Variants in KDM2A observed in about 807,000 individuals in gnomAD.
KDM2A encodes the protein lysine-specific demethylase 2A.
A neutral mutation model predicts 137.3 loss-of-function variants in KDM2A; 3 were observed. The observed-to-expected ratio is 0.02, with a 90% CI of 0.01 to 0.06. The LOEUF is 0.06. Among genes scored for constraint, KDM2A ranks in the 10% least tolerant of loss-of-function variants. KDM2A has a pLI of 1.00. For missense variants in KDM2A, 738 were observed against 1,510.6 expected, an observed-to-expected ratio of 0.49 and a Z score of 8.48; for synonymous variants, 512 against 541.5, an observed-to-expected ratio of 0.95 and a Z score of 0.76.
chr11:67,187,601 G>A (rs770163982), intron 5 of KDM2A, among the ~76,000 whole-genome samples: 3 of 147,142 alleles, frequency 2.0e-5, no homozygotes, highest in Non-Finnish European at 3.0e-5. Context: ...TTGAGATGAC[G>A]TCTTGCTCTG....
intron 12 of KDM2A, among the ~76,000 whole-genome samples, chr11:67,241,788 G>C (rs772201786): frequency 3.0e-4 from 45 of 152,196 alleles, no homozygotes; most frequent in Non-Finnish European, 4.1e-4. Context: ...AAAAGATTTG[G>C]CCAGGTGCAG....
chr11:67,156,373 A>T (rs1310729489), intron 2 of KDM2A, among the ~76,000 whole-genome samples: 32 of 152,078 alleles, frequency 2.1e-4, no homozygotes, highest in Admixed American at 1.6e-3. Context: ...TCATGAGGTC[A>T]GGAGATCAAG....
chr11:67,192,423 G>GTTTCCAT (rs1857377781), intron 5 of KDM2A, among the ~76,000 whole-genome samples: 1 of 71,154 alleles, frequency 1.4e-5, no homozygotes. Context: ...CATTTACTTT[G>GTTTCCAT]TTTCCATTTC....
At chr11:67,218,143 C>G (rs1300605509) in intron 9 of KDM2A, among the ~76,000 whole-genome samples, 19 of 152,162 alleles carry the variant, frequency 1.2e-4, no homozygotes, top group Non-Finnish European at 2.9e-5. Context: ...TGCATTAGCC[C>G]TAGTAATTTA....
At chr11:67,195,929 A>G (rs1857470380) in intron 5 of KDM2A, 1 of 415,700 alleles carries the variant, frequency 2.4e-6, no homozygotes, top group South Asian at 2.1e-5. Context: ...TACCACTTAC[A>G]GCAACTTTCT....
At chr11:67,220,894 A>C (rs1422532767) in intron 10 of KDM2A, among the ~76,000 whole-genome samples, 2 of 152,214 alleles carry the variant, frequency 1.3e-5, no homozygotes, top group South Asian at 4.1e-4. Context: ...AACCATTAAA[A>C]AATGTAAAAA....
intron 5 of KDM2A, among the ~76,000 whole-genome samples, chr11:67,205,638 A>G (rs561014826): frequency 6.6e-5 from 10 of 151,638 alleles, no homozygotes; most frequent in African/African-American, 2.2e-4. Context: ...GTGTGTGTGT[A>G]TGTTTAATTT....
chr11:67,138,649 T>C (rs1856023743), intron 2 of KDM2A, among the ~76,000 whole-genome samples: 1 of 152,140 alleles, frequency 6.6e-6, no homozygotes, highest in Admixed American at 6.5e-5. Flanking sequence ...GGTGTGGTGG[T>C]GTGCACCTGT....
intron 2 of KDM2A, among the ~76,000 whole-genome samples, chr11:67,129,189 A>G (rs925350475): frequency 1.3e-5 from 2 of 152,218 alleles, no homozygotes; most frequent in Admixed American, 6.5e-5. Context: ...GACCTAAACT[A>G]TAACAAATAA....
intron 5 of KDM2A, among the ~76,000 whole-genome samples, chr11:67,186,417 C>T (rs1857209129): frequency 6.6e-6 from 1 of 152,198 alleles, no homozygotes. Context: ...CAAAACTGTC[C>T]TTCAAAAGGG....
intron 3 of KDM2A, chr11:67,180,510 A>C (rs771929929): frequency 3.6e-6 from 1 of 274,066 alleles, no homozygotes; most frequent in African/African-American, 2.2e-5. Context: ...ATTTAATTAA[A>C]AATAGTACAA....
At chr11:67,239,110 A>G (rs1858951106) in intron 12 of KDM2A, among the ~76,000 whole-genome samples, 1 of 152,228 alleles carries the variant, frequency 6.6e-6, no homozygotes, top group Admixed American at 6.5e-5. Flanking sequence ...GGGAATATCA[A>G]GAATGAGACA....
At chr11:67,193,270 G>A (rs1208219939) in intron 5 of KDM2A, among the ~76,000 whole-genome samples, 1 of 152,076 alleles carries the variant, frequency 6.6e-6, no homozygotes, top group East Asian at 1.9e-4. Context: ...GATTACAGGC[G>A]TGAGCCACCG....
intron 5 of KDM2A, among the ~76,000 whole-genome samples, chr11:67,194,081 T>C (rs887794443): frequency 4.6e-5 from 7 of 152,266 alleles, no homozygotes; most frequent in African/African-American, 9.6e-5. Context: ...TTTCTACTTA[T>C]ATTTTCTAAT....
chr11:67,242,987 T>G (rs758452624), intron 12 of KDM2A, 22 bp from the exon 13 acceptor site: 15 of 1,608,600 alleles, frequency 9.3e-6, no homozygotes, highest in Non-Finnish European at 9.4e-6. Context: ...TGATTTTTCC[T>G]TCTTTTCCCT....
Position 67,254,281 on chromosome 11 carries a change from G to T in KDM2A, c.3170G>T (p.Arg1057Leu). The change falls in exon 20 of 21, where the codon CGC becomes CTC. Residue 1057 changes from arginine to leucine, a missense_variant. Around this residue, in one of 9 missense-constraint regions of KDM2A, gnomAD observed 166 missense variants for 324.0 expected, o/e 0.51. Transcript: ENST00000529006. This position sits in a 1 kb window ranked among gnomAD's most constrained non-coding sequence, Gnocchi z 4.7. ...CTTGACATCACAGATGCCACGCTTCGCCTCATAATTCGCCACATGCCCCTC... is the reference window on the plus strand; with the variant it reads ...CTTGACATCACAGATGCCACGCTTCTCCTCATAATTCGCCACATGCCCCTC... ...AGLDITDATL[R>L]LIIRHMPLLS... 1 of 1,613,960 alleles carries T rather than the reference G, an allele frequency of 6.2e-7. No individual in the cohort carries two copies. The highest frequency in any genetic ancestry group is 8.5e-7 in the Non-Finnish European group (1 of 1,179,886).
intron 5 of KDM2A, among the ~76,000 whole-genome samples, chr11:67,193,545 G>T (rs2136354404): frequency 6.6e-6 from 1 of 152,232 alleles, no homozygotes; most frequent in African/African-American, 2.4e-5. Flanking sequence ...GTTGGAGACA[G>T]TATTATTTTT....
At chr11:67,170,150 C>T (rs915109804) in intron 2 of KDM2A, among the ~76,000 whole-genome samples, 6 of 151,980 alleles carry the variant, frequency 3.9e-5, no homozygotes, top group African/African-American at 9.7e-5. Flanking sequence ...ATAAATGTAC[C>T]GAGTTCAAAC....
intron 8 of KDM2A, chr11:67,217,461 G>C (rs1858202604): frequency 2.3e-6 from 1 of 439,160 alleles, no homozygotes; most frequent in African/African-American, 2.0e-5. Flanking sequence ...CCTAGGTAAT[G>C]AGCTGAATGG....
Sources: allele counts gnomAD v4.1 joint callset (sites outside exome capture counted in the v4.1 genomes callset), GRCh38; gene constraint gnomAD v4.1.1; regional missense constraint gnomAD v4.1.1; non-coding constraint Gnocchi (gnomAD v3.1); transcripts MANE v1.5; gene names NCBI Gene and HGNC (gene_info 2026-07-23, HGNC 2026-07-21).